Variants in SLC9C2 observed in about 807,000 individuals in gnomAD.
The protein encoded by SLC9C2 is solute carrier family 9 member C2 (putative), also known as sodium/hydrogen exchanger 11.
SLC9C2 carries 75 observed loss-of-function variants against 140.2 expected under a neutral mutation model. The ratio of observed to expected loss-of-function variants is 0.53; its 90% CI spans 0.44 to 0.65. The LOEUF is 0.65. Ranked by LOEUF, SLC9C2 falls within the 30% of genes least tolerant of loss-of-function variation. The pLI is 0.00. For synonymous variants in SLC9C2, 375 were observed against 420.9 expected (o/e 0.89, Z 1.34); for missense variants, 1,074 against 1,331.8 (o/e 0.81, Z 3.01).
At chr1:173,549,478 T>C (rs1571534469) in intron 11 of SLC9C2, among the ~76,000 whole-genome samples, 1 of 152,224 alleles carries the variant, frequency 6.6e-6, no homozygotes, top group Admixed American at 6.5e-5. Context: ...CCCACCCATA[T>C]GATGGGGCAA....
intron 19 of SLC9C2, among the ~76,000 whole-genome samples, chr1:173,525,926 C>T (rs1347294351): frequency 6.6e-6 from 1 of 152,212 alleles, no homozygotes; most frequent in African/African-American, 2.4e-5. Context: ...TGTCTCTAAA[C>T]TTACACTTTC....
chr1:173,557,627 T>A, intron 9 of SLC9C2, 119 bp from the exon 10 acceptor site: 3 of 892,786 alleles, frequency 3.4e-6, no homozygotes, highest in African/African-American at 1.7e-5. Flanking sequence ...AAAAAAACAA[T>A]GCAATTTACT....
At chr1:173,583,701 G>C in intron 5 of SLC9C2, 79 bp from the exon 6 acceptor site, 1 of 752,996 alleles carries the variant, frequency 1.3e-6, no homozygotes, top group Non-Finnish European at 2.1e-6. Context: ...AAACAGAAGA[G>C]AAAGAACAGA....
intron 21 of SLC9C2, among the ~76,000 whole-genome samples, chr1:173,522,527 T>C (rs1660903466): frequency 1.3e-5 from 2 of 152,232 alleles, no homozygotes; most frequent in Non-Finnish European, 2.9e-5. Context: ...TTTTAGACAC[T>C]TAAAACAATG....
chr1:173,521,423 A>C, intron 21 of SLC9C2, 24 bp from the exon 22 acceptor site: 1 of 1,316,928 alleles, frequency 7.6e-7, no homozygotes, highest in African/African-American at 1.5e-5. Flanking sequence ...AAAAAAACGA[A>C]AAGAAAAAGA....
At chr1:173,565,869 G>C (rs528787479) in intron 9 of SLC9C2, among the ~76,000 whole-genome samples, 78 of 151,982 alleles carry the variant, frequency 5.1e-4, no homozygotes, top group African/African-American at 1.7e-3. Flanking sequence ...TATCATGAAG[G>C]CATGTTTTTA....
chr1:173,552,408 G>T (rs895537170), intron 11 of SLC9C2, among the ~76,000 whole-genome samples: 5 of 152,168 alleles, frequency 3.3e-5, no homozygotes, highest in African/African-American at 1.2e-4. Context: ...GGAATAGAAT[G>T]CTATGGATGA....
In SLC9C2 at chr1:173,550,405, T is replaced by C. The variant is rs187388797; in HGVS notation, c.1298-1853A>G. ...GGTGACAGAATGAGATCCTGTATCT[T>C]TTTTTATTTTTTTATTTTATTTATT... On this transcript the variant is annotated intron_variant, in intron 11 of 27. Coordinates refer to ENST00000367714, the MANE Select transcript of SLC9C2 (RefSeq NM_178527.4). Among the ~76,000 whole-genome samples the C allele has an allele frequency of 1.0e-4, 15 of 150,196 alleles. 1 individual carries two copies. In the East Asian group the frequency reaches 2.9e-3, roughly 29 times the overall value.
At chr1:173,506,099 T>A (rs769722713) in intron 25 of SLC9C2, among the ~76,000 whole-genome samples, 20 of 152,240 alleles carry the variant, frequency 1.3e-4, no homozygotes, top group Non-Finnish European at 2.5e-4. Flanking sequence ...TGATGAAAGG[T>A]ACAAAATAAG....
chr1:173,571,585 C>A (rs1664847006), intron 9 of SLC9C2: 1 of 152,096 alleles, frequency 6.6e-6, no homozygotes, highest in Non-Finnish European at 1.5e-5. Context: ...TTTTCATAGT[C>A]TTTATTATTT....
At chr1:173,570,425 T>A (rs1664768382) in intron 9 of SLC9C2, among the ~76,000 whole-genome samples, 1 of 152,038 alleles carries the variant, frequency 6.6e-6, no homozygotes, top group South Asian at 2.1e-4. Context: ...GTATCCAAGA[T>A]GCAGGACAAA....
chr1:173,529,774 T>C (rs1179104865), intron 18 of SLC9C2, 131 bp downstream of exon 18: 2 of 983,260 alleles, frequency 2.0e-6, no homozygotes, highest in African/African-American at 3.3e-5. Context: ...TCATATGATA[T>C]AATAAACAAC....
intron 7 of SLC9C2, among the ~76,000 whole-genome samples, chr1:173,580,318 T>G (rs901684937): frequency 2.0e-5 from 3 of 151,986 alleles, no homozygotes; most frequent in African/African-American, 7.2e-5. Flanking sequence ...ATCTCATTAA[T>G]GCCTGCAATA....
At chr1:173,558,755 C>G (rs539487415) in intron 9 of SLC9C2, among the ~76,000 whole-genome samples, 2 of 152,220 alleles carry the variant, frequency 1.3e-5, no homozygotes, top group Admixed American at 6.5e-5. Context: ...TCGTGTATTC[C>G]CATTTCTCTA....
At chr1:173,599,362 ATTTTTTTTTTTT>A (rs61579339) in intron 3 of SLC9C2, among the ~76,000 whole-genome samples, 28 of 68,126 alleles carry the variant, frequency 4.1e-4, no homozygotes, top group South Asian at 3.2e-3. Context: ...ATTTTCCTTG[ATTTTTTTTTTTT>A]TTTTTTTTTT....
At chr1:173,532,313 T>C (rs913040102) in intron 17 of SLC9C2, among the ~76,000 whole-genome samples, 2 of 152,184 alleles carry the variant, frequency 1.3e-5, no homozygotes, top group Admixed American at 1.3e-4. Context: ...ATTTGCTTGA[T>C]GTAATAAGAA....
At chr1:173,544,672 C>G (rs1028118742) in intron 13 of SLC9C2, among the ~76,000 whole-genome samples, 2 of 152,166 alleles carry the variant, frequency 1.3e-5, no homozygotes, top group Non-Finnish European at 2.9e-5. Flanking sequence ...GAATACTATA[C>G]AGCCATAATA....
Position 173,576,761 on chromosome 1 carries a change from C to G in SLC9C2, c.803-1G>C. 6.3e-7 allele frequency: 1 copy of G among 1,580,868 alleles called. No individual in the cohort carries two copies. Among genetic ancestry groups the G allele is most frequent in the Non-Finnish European group, 8.6e-7 (1 of 1,160,060 alleles). On this transcript the variant is annotated splice_acceptor_variant, in intron 7 of 27. Transcript: ENST00000367714. LOFTEE classifies it high-confidence loss of function. ...GTGCCTGACATTCCTAAAAATTCCA[C>G]TGGGGAGAAAAAAAAAACAAATGAA...
At chr1:173,577,066 T>C (rs1361971901) in intron 7 of SLC9C2, among the ~76,000 whole-genome samples, 1 of 152,228 alleles carries the variant, frequency 6.6e-6, no homozygotes, top group African/African-American at 2.4e-5. Flanking sequence ...TAAAACTTGG[T>C]TTATAGACAC....
Sources: gnomAD v4.1 joint callset for allele counts (sites outside exome capture counted in the v4.1 genomes callset) on GRCh38, gnomAD v4.1.1 for gene constraint, MANE v1.5 for transcripts, NCBI Gene and HGNC (gene_info 2026-07-23, HGNC 2026-07-21) for gene names.